Variants in CACNB4 observed in about 807,000 individuals in gnomAD.
CACNB4 encodes the protein calcium voltage-gated channel auxiliary subunit beta 4.
CACNB4 carries 32 observed loss-of-function variants against 71.2 expected under a neutral mutation model. That is an observed-to-expected ratio of 0.45 (90% CI 0.34 to 0.60). The LOEUF (loss-of-function observed/expected upper bound fraction) is 0.60. CACNB4 is among the 20% of genes least tolerant of loss of function. The probability of loss-of-function intolerance (pLI) is 0.01; values close to 1 mark genes in which losing one functional copy is unlikely to be tolerated. For synonymous variants in CACNB4, 231 were observed against 236.9 expected (o/e 0.97, Z 0.23); for missense variants, 464 against 647.9 (o/e 0.72, Z 3.08).
intron 2 of CACNB4, among the ~76,000 whole-genome samples, chr2:151,951,792 A>G (rs1325601930): frequency 6.6e-6 from 1 of 152,226 alleles, no homozygotes; most frequent in Non-Finnish European, 1.5e-5. Context: ...CCTCTGCACA[A>G]GGAAGCTGAT....
At chr2:151,909,110 T>TTA (rs944751916) in intron 2 of CACNB4, among the ~76,000 whole-genome samples, 56 of 147,298 alleles carry the variant, frequency 3.8e-4, no homozygotes, top group Admixed American at 9.5e-4. Context: ...ATATATATAT[T>TTA]TATATATATA....
intron 2 of CACNB4, among the ~76,000 whole-genome samples, chr2:152,069,565 G>C (rs1430979859): frequency 6.7e-6 from 1 of 149,258 alleles, no homozygotes; most frequent in Non-Finnish European, 1.5e-5. Context: ...TCCACACTGG[G>C]TCTTTTATAG....
chr2:152,005,773 A>C (rs1242514496), intron 2 of CACNB4, among the ~76,000 whole-genome samples: 1 of 152,208 alleles, frequency 6.6e-6, no homozygotes, highest in Non-Finnish European at 1.5e-5. Context: ...AAGTGCAACC[A>C]CCACTGTGTC....
intron 2 of CACNB4, among the ~76,000 whole-genome samples, chr2:151,946,111 A>G (rs140662378): frequency 1.6e-3 from 247 of 152,086 alleles, no homozygotes; most frequent in African/African-American, 5.7e-3. Flanking sequence ...GGTAGATCAC[A>G]TGAGGTCAGG....
chr2:152,094,643 T>C (rs1327526123), intron 2 of CACNB4, among the ~76,000 whole-genome samples: 2 of 152,260 alleles, frequency 1.3e-5, no homozygotes, highest in African/African-American at 4.8e-5. Context: ...TTGTTACATG[T>C]CACCGTACTG....
chr2:151,943,432 G>A (rs1432744100), intron 2 of CACNB4, among the ~76,000 whole-genome samples: 1 of 152,084 alleles, frequency 6.6e-6, no homozygotes, highest in East Asian at 1.9e-4. Context: ...GATGACAGAT[G>A]GAAAATCTAT....
At chr2:152,020,424 G>GT (rs1002178258) in intron 2 of CACNB4, among the ~76,000 whole-genome samples, 50 of 152,320 alleles carry the variant, frequency 3.3e-4, no homozygotes, top group African/African-American at 1.2e-3. Context: ...TCAGTATAGG[G>GT]TGAGGGGGCA....
At position 152,072,807 on chromosome 2, in the gene CACNB4, A is replaced by ATT. The variant is rs780232798; in HGVS notation, c.147+25521_147+25522dup. On this transcript the variant is annotated intron_variant, in intron 2 of 13. Coordinates refer to ENST00000539935, the MANE Select transcript of CACNB4 (RefSeq NM_000726.5). ...AGGCGCCCACCACCAGGCCCAGCTG[A>ATT]TTTTTTTTTTTTTTTGTATTTTTAG... Among the ~76,000 whole-genome samples the ATT allele has an allele frequency of 4.0e-3, 548 of 138,642 alleles. 1 individual carries two copies. Among genetic ancestry groups the ATT allele is most frequent in the African/African-American group, 0.012 (472 of 37,840 alleles). The allele number at this position is 138,642 out of a possible 152,430, so 91.0% of individuals were successfully genotyped here.
intron 2 of CACNB4, among the ~76,000 whole-genome samples, chr2:151,895,596 C>T (rs770345141): frequency 2.0e-4 from 31 of 151,584 alleles, no homozygotes; most frequent in Admixed American, 9.2e-4. Context: ...TTTTTACCTT[C>T]GGAATTTTTA....
chr2:151,973,477 A>G (rs1178262503), intron 2 of CACNB4: 2 of 592,756 alleles, frequency 3.4e-6, no homozygotes, highest in African/African-American at 3.7e-5. Context: ...TTTGCTTGAC[A>G]ATAAATAATT....
intron 2 of CACNB4, chr2:151,966,994 G>A (rs1467570575): frequency 6.6e-6 from 1 of 151,028 alleles, no homozygotes; most frequent in Non-Finnish European, 1.5e-5. Context: ...AAGTAGGAAA[G>A]GGAAAGTCAG....
rs78975152 is a variant in CACNB4, at chr2:152,092,293, A to T, written c.147+6037T>A. Among the ~76,000 whole-genome samples, 95 of 152,378 alleles carry T rather than the reference A, an allele frequency of 6.2e-4. No homozygotes were observed. The East Asian group carries it at 0.018, about 28-fold the overall frequency. ...TAGGCATATGATTATTCTTAGAGCTATGCGCAAAGCATATACCTTCTGTTG... is the reference window on the plus strand; with the variant it reads ...TAGGCATATGATTATTCTTAGAGCTTTGCGCAAAGCATATACCTTCTGTTG... On this transcript the variant is annotated intron_variant, in intron 2 of 13. Coordinates refer to ENST00000539935, the MANE Select transcript of CACNB4 (RefSeq NM_000726.5).
At chr2:152,002,157 C>T (rs1440917751) in intron 2 of CACNB4, among the ~76,000 whole-genome samples, 1 of 152,196 alleles carries the variant, frequency 6.6e-6, no homozygotes, top group East Asian at 1.9e-4. Flanking sequence ...GATTTTAAAA[C>T]AAAAGCCATC....
chr2:152,006,037 G>A lies in CACNB4; in HGVS notation c.147+92293C>T, dbSNP rs147540977. On this transcript the variant is annotated intron_variant, in intron 2 of 13. Coordinates refer to ENST00000539935, the MANE Select transcript of CACNB4 (RefSeq NM_000726.5). ...ATCATTTTTTAAGTACTTAGTGAAAGTGCATCAATTTTTACCCATAATCTT... is the reference window on the plus strand; with the variant it reads ...ATCATTTTTTAAGTACTTAGTGAAAATGCATCAATTTTTACCCATAATCTT... Among the ~76,000 whole-genome samples, 36 of 152,306 alleles carry A rather than the reference G, an allele frequency of 2.4e-4. No individual in the cohort carries two copies. The East Asian group carries it at 6.2e-3, about 26-fold the overall frequency.
intron 2 of CACNB4, among the ~76,000 whole-genome samples, chr2:152,034,027 T>C (rs1352240804): frequency 1.3e-5 from 2 of 152,060 alleles, no homozygotes; most frequent in Non-Finnish European, 2.9e-5. Flanking sequence ...GGGGGGAAAA[T>C]TAAGTTCAAC....
At chr2:151,891,834 A>G (rs2099850778) in intron 2 of CACNB4, among the ~76,000 whole-genome samples, 1 of 152,172 alleles carries the variant, frequency 6.6e-6, no homozygotes. Flanking sequence ...GCTTTACTAT[A>G]TACAGGTCAC....
intron 4 of CACNB4, among the ~76,000 whole-genome samples, chr2:151,878,413 C>T (rs942488033): frequency 6.6e-6 from 1 of 152,026 alleles, no homozygotes; most frequent in Non-Finnish European, 1.5e-5. Context: ...TATGAGATTG[C>T]ATTGAAATAA....
rs1559883066 is a variant in CACNB4, at chr2:151,861,854, A to AAAAAAAAAAAAAAAAAAAAAAAAC, written c.759-1035_759-1034insGTTTTTTTTTTTTTTTTTTTTTTT. On this transcript the variant is annotated intron_variant, in intron 9 of 13. Coordinates refer to ENST00000539935, the MANE Select transcript of CACNB4 (RefSeq NM_000726.5). ...TGAGACCCTGTCTCAAAAAAAAAAAAAAAACTGAAGAATAAAGCAAAGACA... is the reference window on the plus strand; with the variant it reads ...TGAGACCCTGTCTCAAAAAAAAAAAAAAAAAAAAAAAAAAAAAAAAAAACAAAACTGAAGAATAAAGCAAAGACA... 50 of 150,194 alleles carry AAAAAAAAAAAAAAAAAAAAAAAAC rather than the reference A, an allele frequency of 3.3e-4. 2 individuals carry two copies. The highest frequency in any genetic ancestry group is 1.2e-3 in the African/African-American group (49 of 39,798). The allele number at this position is 150,194 out of a possible 1,614,324, so 9.3% of individuals were successfully genotyped here. A position where few individuals can be genotyped will look rare whatever the true frequency, so the allele number is the denominator to read the frequency against.
intron 2 of CACNB4, among the ~76,000 whole-genome samples, chr2:151,954,560 G>A (rs2099867694): frequency 6.6e-6 from 1 of 152,154 alleles, no homozygotes; most frequent in Non-Finnish European, 1.5e-5. Flanking sequence ...AGATTAACAT[G>A]AGAAAGTTCA....
Sources: gnomAD v4.1 joint callset for allele counts (sites outside exome capture counted in the v4.1 genomes callset) on GRCh38, gnomAD v4.1.1 for gene constraint, MANE v1.5 for transcripts, NCBI Gene and HGNC (gene_info 2026-07-23, HGNC 2026-07-21) for gene names.